AUTS2: variants seen among roughly 807,000 people sequenced by gnomAD.
AUTS2 encodes the protein autism susceptibility gene 2 protein.
A neutral mutation model predicts 112.4 loss-of-function variants in AUTS2; 17 were observed. The observed-to-expected ratio is 0.15, with a 90% CI of 0.10 to 0.23. The LOEUF is 0.23. AUTS2 is among the 10% of genes least tolerant of loss of function. The pLI, the probability that AUTS2 is intolerant of heterozygous loss-of-function variation, is 1.00. For synonymous variants in AUTS2, 751 were observed against 702.7 expected, an observed-to-expected ratio of 1.07 and a Z score of -1.09; for missense variants, 1,510 against 1,701.6, an observed-to-expected ratio of 0.89 and a Z score of 1.98.
At chr7:69,756,685 A>G (rs1041826761) in intron 1 of AUTS2, among the ~76,000 whole-genome samples, 4 of 151,846 alleles carry the variant, frequency 2.6e-5, no homozygotes, top group Non-Finnish European at 5.9e-5. Context: ...GCCTGAATGC[A>G]GGGATGACTT....
intron 5 of AUTS2, among the ~76,000 whole-genome samples, chr7:70,602,729 A>G (rs1803539733): frequency 6.6e-6 from 1 of 152,162 alleles, no homozygotes; most frequent in South Asian, 2.1e-4. Flanking sequence ...TCTTGAACAC[A>G]TTCAACACAA....
At chr7:69,738,888 T>G (rs1378211357) in intron 1 of AUTS2, among the ~76,000 whole-genome samples, 1 of 152,140 alleles carries the variant, frequency 6.6e-6, no homozygotes, top group Non-Finnish European at 1.5e-5. Flanking sequence ...AGGAAGGAGA[T>G]GAGGGCTGCT....
intron 4 of AUTS2, among the ~76,000 whole-genome samples, chr7:70,282,691 G>A (rs1788277393): frequency 6.6e-6 from 1 of 152,194 alleles, no homozygotes. Flanking sequence ...TCCCTGTGAA[G>A]AAGGTATTTG....
Position 70,344,111 on chromosome 7 carries a change from T to C in AUTS2, c.661-91641T>C, listed in dbSNP as rs1791391200. 2.6e-5 allele frequency among the ~76,000 whole-genome samples: 4 copies of C among 152,070 alleles called. No individual in the cohort carries two copies. The South Asian group carries it at 8.3e-4, about 32-fold the overall frequency. Reference sequence around the variant, plus strand: ...TGACACAACCCTGAGAATGAGTGTCTCCTAAAATTGTGTGCCCTAGACACC... The same window carrying C: ...TGACACAACCCTGAGAATGAGTGTCCCCTAAAATTGTGTGCCCTAGACACC... On this transcript the variant is annotated intron_variant, in intron 4 of 18. Transcript: ENST00000342771.
At chr7:70,168,095 C>A (rs141526736) in intron 4 of AUTS2, among the ~76,000 whole-genome samples, 1 of 152,304 alleles carries the variant, frequency 6.6e-6, no homozygotes, top group Non-Finnish European at 1.5e-5. Context: ...TGAAAAAATA[C>A]ACTTGAAGCT....
At chr7:70,439,410 G>A (rs1237864879) in intron 5 of AUTS2, among the ~76,000 whole-genome samples, 2 of 152,000 alleles carry the variant, frequency 1.3e-5, no homozygotes, top group South Asian at 2.1e-4. Context: ...GTGGTAGCAC[G>A]TGCCTGTAGT....
chr7:70,761,208 G>A (rs1169387420), intron 6 of AUTS2, among the ~76,000 whole-genome samples: 1 of 152,214 alleles, frequency 6.6e-6, no homozygotes, highest in African/African-American at 2.4e-5. Context: ...CCAGGAGGCT[G>A]AGGCAGGAGG....
chr7:70,547,537 G>A (rs1800839187), intron 5 of AUTS2, among the ~76,000 whole-genome samples: 1 of 152,178 alleles, frequency 6.6e-6, no homozygotes. Flanking sequence ...ACAGGCGTGA[G>A]CCACCGTGCC....
At chr7:70,468,199 A>G (rs1027777598) in intron 5 of AUTS2, among the ~76,000 whole-genome samples, 1 of 151,926 alleles carries the variant, frequency 6.6e-6, no homozygotes, top group African/African-American at 2.4e-5. Flanking sequence ...CATTGTGTCC[A>G]CATTAACTGA....
At chr7:70,304,412 G>C (rs1789391461) in intron 4 of AUTS2, among the ~76,000 whole-genome samples, 1 of 152,186 alleles carries the variant, frequency 6.6e-6, no homozygotes, top group Non-Finnish European at 1.5e-5. Flanking sequence ...AAGTATCCCA[G>C]TGGAGCACAG....
intron 2 of AUTS2, among the ~76,000 whole-genome samples, chr7:69,973,989 A>G (rs573950565): frequency 1.3e-5 from 2 of 152,252 alleles, no homozygotes; most frequent in Admixed American, 6.5e-5. Context: ...GAGATTATGT[A>G]TAATTGGTTT....
rs1041495830 is a variant in AUTS2, at chr7:69,599,486, C to T, written c.-168C>T. On this transcript the variant is annotated 5_prime_UTR_variant, in exon 1 of 19. Coordinates refer to ENST00000342771, the MANE Select transcript of AUTS2 (RefSeq NM_015570.4). The surrounding 1 kb of genome is among the most constrained non-coding windows in gnomAD (Gnocchi z 7.0). ...GCCCCTTCCCCCTTTTCTTTCTCCT[C>T]TCTTTCTTCCCCTCTCTCCCTTCTT... The T allele has an allele frequency of 7.5e-6, 4 of 530,922 alleles. No homozygotes were observed. In the Admixed American group the frequency reaches 1.8e-4, roughly 24 times the overall value. 32.9% of individuals were successfully genotyped at this position (530,922 alleles called of 1,614,324 possible).
intron 5 of AUTS2, among the ~76,000 whole-genome samples, chr7:70,591,643 C>T (rs1305929317): frequency 9.9e-4 from 151 of 152,290 alleles, no homozygotes; most frequent in African/African-American, 3.4e-3. Flanking sequence ...AAGTGATTCT[C>T]CCGCCTCAGC....
intron 11 of AUTS2, among the ~76,000 whole-genome samples, chr7:70,773,571 G>A (rs571124268): frequency 9.2e-5 from 14 of 152,270 alleles, no homozygotes; most frequent in Middle Eastern, 3.4e-3. Flanking sequence ...CAGTTAAAAC[G>A]GAGAGCTTAA....
chr7:69,708,288 C>G (rs562015145), intron 1 of AUTS2, among the ~76,000 whole-genome samples: 2 of 139,586 alleles, frequency 1.4e-5, no homozygotes, highest in South Asian at 2.5e-4. Context: ...CATGGATGAT[C>G]GAAAGAAAAA....
chr7:70,710,109 C>A (rs35853332), intron 6 of AUTS2, among the ~76,000 whole-genome samples: 5 of 151,546 alleles, frequency 3.3e-5, no homozygotes, highest in African/African-American at 9.7e-5. Flanking sequence ...TTTATCTGCT[C>A]AGTAAATGTT....
At chr7:70,067,332 C>T (rs1266654277) in intron 2 of AUTS2, among the ~76,000 whole-genome samples, 1 of 152,024 alleles carries the variant, frequency 6.6e-6, no homozygotes, top group Non-Finnish European at 1.5e-5. Context: ...TAAAGAAATG[C>T]AATTAAAAGT....
chr7:70,150,175 A>C (rs1031059819), intron 4 of AUTS2, among the ~76,000 whole-genome samples: 2 of 152,136 alleles, frequency 1.3e-5, no homozygotes, highest in African/African-American at 4.8e-5. Flanking sequence ...AAATGGTTAG[A>C]GATTCAATTC....
At chr7:70,287,151 A>G (rs1434500660) in intron 4 of AUTS2, among the ~76,000 whole-genome samples, 1 of 152,078 alleles carries the variant, frequency 6.6e-6, no homozygotes, top group Non-Finnish European at 1.5e-5. Context: ...TTTGCTCCTT[A>G]TGAGATTCGC....
Sources: gnomAD v4.1 joint callset for allele counts (sites outside exome capture counted in the v4.1 genomes callset) on GRCh38, gnomAD v4.1.1 for gene constraint, Gnocchi (gnomAD v3.1) non-coding constraint, MANE v1.5 for transcripts, NCBI Gene and HGNC (gene_info 2026-07-23, HGNC 2026-07-21) for gene names.